The following BCL2 variants were observed in gnomAD, a reference collection of about 807,000 sequenced individuals.
The protein encoded by BCL2 is apoptosis regulator Bcl-2.
In BCL2, 1 loss-of-function variant was observed where a neutral mutation model predicts 14.2. That is an observed-to-expected ratio of 0.07 (90% CI 0.02 to 0.33). BCL2 has a LOEUF of 0.33. BCL2 is among the 10% of genes least tolerant of loss of function. BCL2 has a pLI of 0.99. For missense variants in BCL2, 247 were observed against 305.9 expected (o/e 0.81, Z 1.44); for synonymous variants, 151 against 137.2 (o/e 1.10, Z -0.70).
intron 2 of BCL2, among the ~76,000 whole-genome samples, chr18:63,181,144 C>T (rs1236079710): frequency 6.6e-6 from 1 of 152,206 alleles, no homozygotes; most frequent in African/African-American, 2.4e-5. Flanking sequence ...AATGAAAAAG[C>T]GTTTTCTCCT....
At chr18:63,132,407 C>T (rs556165514) in intron 2 of BCL2, among the ~76,000 whole-genome samples, 4 of 151,816 alleles carry the variant, frequency 2.6e-5, no homozygotes, top group African/African-American at 9.7e-5. Context: ...TCTGCTGAGC[C>T]TGCCGTTTTG....
intron 2 of BCL2, among the ~76,000 whole-genome samples, chr18:63,167,319 TCATC>T (rs1915069246): frequency 6.6e-6 from 1 of 152,202 alleles, no homozygotes; most frequent in East Asian, 1.9e-4. Flanking sequence ...CCAACATCCA[TCATC>T]CATCCATCTA....
chr18:63,156,087 C>CAA (rs10640757), intron 2 of BCL2, among the ~76,000 whole-genome samples: 7,707 of 64,102 alleles, frequency 0.12, 863 homozygotes, highest in Non-Finnish European at 0.17. Context: ...GCTGAGAAGC[C>CAA]AAAAAAAAAA....
At chr18:63,169,259 T>C (rs1599221433) in intron 2 of BCL2, among the ~76,000 whole-genome samples, 1 of 54,290 alleles carries the variant, frequency 1.8e-5, no homozygotes, top group African/African-American at 1.1e-4. Flanking sequence ...TTTCTTTCTT[T>C]CTTTCTTTCT....
Position 63,125,636 on chromosome 18 carries a change from T to A in BCL2, c.*2989A>T. On this transcript the variant is annotated 3_prime_UTR_variant, in exon 3 of 3. Coordinates refer to ENST00000333681, the MANE Select transcript of BCL2 (RefSeq NM_000633.3). ...ATCCCTCTTCAATACAAAATAGGGA[T>A]GGTTCTCTGTTGCCCAACTGCAAAA... 4.7e-6 allele frequency: 1 copy of A among 212,882 alleles called. No individual in the cohort carries two copies. Among genetic ancestry groups the A allele is most frequent in the Middle Eastern group, 1.5e-3 (1 of 662 alleles). The allele number at this position is 212,882 out of a possible 1,614,324, so 13.2% of individuals were successfully genotyped here. A position where few individuals can be genotyped will look rare whatever the true frequency, so the allele number is the denominator to read the frequency against.
chr18:63,306,706 T>TA lies in BCL2; in HGVS notation c.585+11375dup, dbSNP rs1247256669. ...ATTGCTGCATCTCTTCTCATAGCTTTAAACATGCTCTCCTGCAGCTGATGT... is the reference window on the plus strand; with the variant it reads ...ATTGCTGCATCTCTTCTCATAGCTTTAAAACATGCTCTCCTGCAGCTGATGT... On this transcript the variant is annotated intron_variant, in intron 2 of 2. Transcript: ENST00000333681. 3.3e-5 allele frequency among the ~76,000 whole-genome samples: 5 copies of TA among 152,346 alleles called. No homozygotes were observed. The East Asian group carries it at 9.6e-4, about 29-fold the overall frequency.
chr18:63,159,277 T>C (rs1914858535), intron 2 of BCL2, among the ~76,000 whole-genome samples: 1 of 152,208 alleles, frequency 6.6e-6, no homozygotes. Flanking sequence ...TCTTCTGATT[T>C]GCCTTGAAAA....
chr18:63,167,518 G>A (rs754752665), intron 2 of BCL2, among the ~76,000 whole-genome samples: 32 of 152,196 alleles, frequency 2.1e-4, no homozygotes, highest in Admixed American at 2.0e-4. Flanking sequence ...GATGGCTCAT[G>A]ACTATCATCC....
At chr18:63,246,116 C>T (rs779032837) in intron 2 of BCL2, among the ~76,000 whole-genome samples, 11 of 152,210 alleles carry the variant, frequency 7.2e-5, no homozygotes, top group Non-Finnish European at 1.0e-4. Context: ...TCTAACAAAA[C>T]AGCATCTTTC....
At chr18:63,192,462 A>G (rs1371653949) in intron 2 of BCL2, among the ~76,000 whole-genome samples, 1 of 152,170 alleles carries the variant, frequency 6.6e-6, no homozygotes, top group African/African-American at 2.4e-5. Flanking sequence ...TTCTAGGATG[A>G]CGGGAAGTAT....
chr18:63,251,513 C>G (rs4987749), intron 2 of BCL2, among the ~76,000 whole-genome samples: 1 of 150,372 alleles, frequency 6.7e-6, no homozygotes, highest in Admixed American at 6.6e-5. Context: ...GGCGTGGTGG[C>G]GGGCGCCTGT....
chr18:63,173,554 CA>C (rs1418735316), intron 2 of BCL2, among the ~76,000 whole-genome samples: 3 of 152,320 alleles, frequency 2.0e-5, no homozygotes, highest in African/African-American at 7.2e-5. Flanking sequence ...AAGACCTGTG[CA>C]GCAGTTTTCC....
At chr18:63,292,543 G>C (rs991612877) in intron 2 of BCL2, among the ~76,000 whole-genome samples, 6 of 152,176 alleles carry the variant, frequency 3.9e-5, no homozygotes, top group Non-Finnish European at 7.3e-5. Context: ...TAATAGAAAG[G>C]GGGGGCTTGC....
At chr18:63,192,648 A>G (rs1424649447) in intron 2 of BCL2, among the ~76,000 whole-genome samples, 1 of 152,138 alleles carries the variant, frequency 6.6e-6, no homozygotes, top group African/African-American at 2.4e-5. Context: ...GCTCCTTGGA[A>G]TGACATCACC....
At chr18:63,209,794 G>C (rs78386629) in intron 2 of BCL2, among the ~76,000 whole-genome samples, 3,603 of 152,248 alleles carry the variant, frequency 0.024, 107 homozygotes, top group East Asian at 0.11. Flanking sequence ...TTACCTGAGT[G>C]GGGGAAGACA....
Position 63,318,617 on chromosome 18 carries a change from T to G in BCL2, c.50A>C (p.Lys17Thr). 1.2e-6 allele frequency: 2 copies of G among 1,613,184 alleles called. No individual in the cohort carries two copies. The highest frequency in any genetic ancestry group is 1.7e-6 in the Non-Finnish European group (2 of 1,179,634). ...CTGCGACAGCTTATAATGGATGTAC[T>G]TCATCACTATCTCCCGGTTATCGTA... ...TGYDNREIVM[K>T]YIHYKLSQRG... is the part of the protein sequence containing the mutation. Residue 17 changes from lysine (K) to threonine (T), a missense_variant, in exon 2 of 3, where the codon AAG becomes ACG. Around this residue, in one of 3 missense-constraint regions of BCL2, gnomAD observed 144 missense variants for 135.3 expected, o/e 1.06. Transcript: ENST00000333681. This position sits in a 1 kb window ranked among gnomAD's most constrained non-coding sequence, Gnocchi z 7.4.
intron 2 of BCL2, among the ~76,000 whole-genome samples, chr18:63,292,040 T>A (rs919269619): frequency 6.6e-6 from 1 of 152,074 alleles, no homozygotes; most frequent in Non-Finnish European, 1.5e-5. Flanking sequence ...CAGATCATGA[T>A]AGTGACAGTG....
chr18:63,153,785 T>C (rs1004382064), intron 2 of BCL2, among the ~76,000 whole-genome samples: 5 of 152,134 alleles, frequency 3.3e-5, no homozygotes, highest in Admixed American at 6.6e-5. Flanking sequence ...CCATTCAGAA[T>C]TCTCTACACA....
intron 2 of BCL2, among the ~76,000 whole-genome samples, chr18:63,278,760 G>A (rs1291940225): frequency 6.6e-6 from 1 of 152,090 alleles, no homozygotes; most frequent in Admixed American, 6.5e-5. Flanking sequence ...TTTAACAAAT[G>A]TTACAAATAT....
Sources: allele counts gnomAD v4.1 joint callset (sites outside exome capture counted in the v4.1 genomes callset), GRCh38; gene constraint gnomAD v4.1.1; regional missense constraint gnomAD v4.1.1; non-coding constraint Gnocchi (gnomAD v3.1); transcripts MANE v1.5; gene names NCBI Gene and HGNC (gene_info 2026-07-23, HGNC 2026-07-21).